The following WDTC1 variants were observed in gnomAD, a reference collection of about 807,000 sequenced individuals.
WDTC1 encodes the protein WD and tetratricopeptide repeats protein 1.
WDTC1 carries 12 observed loss-of-function variants against 76.0 expected under a neutral mutation model. That is an observed-to-expected ratio of 0.16 (90% CI 0.10 to 0.26). The LOEUF (loss-of-function observed/expected upper bound fraction) is 0.26. Among genes scored for constraint, WDTC1 ranks in the 10% least tolerant of loss-of-function variants. The pLI is 1.00. For missense variants in WDTC1, 511 were observed against 908.8 expected (o/e 0.56, Z 5.63); for synonymous variants, 326 against 350.8 (o/e 0.93, Z 0.79).
chr1:27,234,894 G>C lies in WDTC1; in HGVS notation c.-157G>C. On this transcript the variant is annotated 5_prime_UTR_variant, in exon 1 of 16. Coordinates refer to ENST00000319394, the MANE Select transcript of WDTC1 (RefSeq NM_001276252.2). The stretch of plus-strand genomic sequence containing the variant: ...TCCCGGGAGAGGGGCCGCCCCCCCC[G>C]GACGGACATGGGCTCCTGAAGTTGC... 3 of 394,562 alleles carry C rather than the reference G, an allele frequency of 7.6e-6. No homozygotes were observed. The East Asian group carries it at 1.1e-4, about 14-fold the overall frequency. 24.4% of individuals were successfully genotyped at this position (394,562 alleles called of 1,614,324 possible).
chr1:27,240,739 G>T (rs2011606023), intron 1 of WDTC1, among the ~76,000 whole-genome samples: 2 of 152,288 alleles, frequency 1.3e-5, no homozygotes, highest in East Asian at 3.9e-4. Context: ...AACTTTGGGA[G>T]GCTGAGGTGG....
intron 1 of WDTC1, among the ~76,000 whole-genome samples, chr1:27,247,213 C>T (rs1207504723): frequency 2.0e-5 from 3 of 151,736 alleles, no homozygotes; most frequent in East Asian, 1.9e-4. Context: ...CCTGCCACCA[C>T]GCCTGGCTAA....
Position 27,287,732 on chromosome 1 carries a change from A to G in WDTC1, c.350A>G (p.His117Arg). The change falls in exon 6 of 16, where the codon CAT becomes CGT. Residue 117 changes from histidine to arginine, a missense_variant. By Grantham distance (29) the His-to-Arg change is conservative (BLOSUM62 0). Transcript: ENST00000319394. Reference sequence around the variant, plus strand: ...ACGGGGGCAGCCGACTCTAAGGTGCATGTGCACGACCTGACAGTAAAGGAG... The same window carrying G: ...ACGGGGGCAGCCGACTCTAAGGTGCGTGTGCACGACCTGACAGTAAAGGAG... ...LITGAADSKV[H>R]VHDLTVKETI... 2 of 1,614,102 alleles carry G rather than the reference A, an allele frequency of 1.2e-6. No homozygotes were observed. The highest frequency in any genetic ancestry group is 1.7e-6 in the Non-Finnish European group (2 of 1,180,000).
rs572004121 is a variant in WDTC1, at chr1:27,304,988, GC to G, written c.1644-6del. The G allele has an allele frequency of 5.6e-6, 9 of 1,606,206 alleles. No individual in the cohort carries two copies. Among genetic ancestry groups the G allele is most frequent in the Admixed American group, 1.7e-5 (1 of 59,660 alleles). On this transcript the variant is annotated splice_polypyrimidine_tract_variant and intron_variant, in intron 14 of 15. Coordinates refer to ENST00000319394, the MANE Select transcript of WDTC1 (RefSeq NM_001276252.2). Reference sequence around the variant, plus strand: ...ACCCCACCTGACCTCCCTGCCCTTTGCCCCCCCGCCAGCAACGCTCAGTATA... The same window carrying G: ...ACCCCACCTGACCTCCCTGCCCTTTGCCCCCCGCCAGCAACGCTCAGTATA...
rs1366983994 is a variant in WDTC1, at chr1:27,263,148, C to T, written c.49-4C>T. On this transcript the variant is annotated splice_polypyrimidine_tract_variant and splice_region_variant and intron_variant, in intron 2 of 15. Transcript: ENST00000319394. ...GAAATCACGAATTTGTTTCTGTCCC[C>T]TAGGAGCGGGGTGCCCTGAGCTTTG... The T allele has an allele frequency of 2.5e-6, 4 of 1,613,024 alleles. No homozygotes were observed. Among genetic ancestry groups the T allele is most frequent in the Non-Finnish European group, 3.4e-6 (4 of 1,179,614 alleles).
Position 27,306,039 on chromosome 1 carries a change from C to T in WDTC1, c.1837-147C>T. ...TATGTAGCCAAGGTTGTGTGTTCCC[C>T]TCCACCATATACACCTCCTGGCATG... On this transcript the variant is annotated intron_variant, in intron 15 of 15. Coordinates refer to ENST00000319394, the MANE Select transcript of WDTC1 (RefSeq NM_001276252.2). This position sits in a 1 kb window ranked among gnomAD's most constrained non-coding sequence, Gnocchi z 5.0. 3.3e-6 allele frequency: 3 copies of T among 901,552 alleles called. No individual in the cohort carries two copies. The highest frequency in any genetic ancestry group is 2.6e-5 in the East Asian group (1 of 37,778). The allele number at this position is 901,552 out of a possible 1,614,324, so 55.8% of individuals were successfully genotyped here.
chr1:27,258,173 AGT>A (rs2012346377), intron 1 of WDTC1, among the ~76,000 whole-genome samples: 2 of 150,860 alleles, frequency 1.3e-5, no homozygotes, highest in Admixed American at 6.6e-5. Context: ...CCAAGGTGAG[AGT>A]GTTGCTTGAG....
chr1:27,239,052 G>A (rs2011557760), intron 1 of WDTC1, among the ~76,000 whole-genome samples: 1 of 143,170 alleles, frequency 7.0e-6, no homozygotes, highest in African/African-American at 2.6e-5. Flanking sequence ...ACAGGTGTGT[G>A]CCATCACGCC....
At chr1:27,275,124 A>G (rs188949070) in intron 3 of WDTC1, among the ~76,000 whole-genome samples, 1 of 152,282 alleles carries the variant, frequency 6.6e-6, no homozygotes, top group East Asian at 1.9e-4. Context: ...TATTATCCTT[A>G]AACAATTGCA....
chr1:27,234,756 C>T lies in WDTC1; in HGVS notation c.-295C>T. The stretch of plus-strand genomic sequence containing the variant: ...GTGAGCGCGGGTGTGAGGCGGTGCG[C>T]AGGGGCGGGCGGAGGCGCTGTCCGG... On this transcript the variant is annotated 5_prime_UTR_variant, in exon 1 of 16. Transcript: ENST00000319394. 2.5e-6 allele frequency: 1 copy of T among 398,654 alleles called. No homozygotes were observed. The highest frequency in any genetic ancestry group is 1.3e-4 in the South Asian group (1 of 7,864). The allele number at this position is 398,654 out of a possible 1,614,324, so 24.7% of individuals were successfully genotyped here.
intron 1 of WDTC1, among the ~76,000 whole-genome samples, chr1:27,259,133 G>T (rs1570949423): frequency 6.6e-6 from 1 of 152,036 alleles, no homozygotes. Flanking sequence ...ACCAAAGAGA[G>T]CTATTGTTTT....
At chr1:27,280,336 T>G (rs951299356) in intron 3 of WDTC1, among the ~76,000 whole-genome samples, 5 of 152,244 alleles carry the variant, frequency 3.3e-5, no homozygotes, top group Non-Finnish European at 5.9e-5. Flanking sequence ...TCATTCTGAC[T>G]TTAAGACAAC....
chr1:27,296,972 A>T, intron 10 of WDTC1, 76 bp from the exon 11 acceptor site: 1 of 1,305,580 alleles, frequency 7.7e-7, no homozygotes, highest in South Asian at 1.2e-5. Context: ...CCCGTGATGG[A>T]AGCTAGAGGG....
At chr1:27,263,670 G>A (rs1173866347) in intron 3 of WDTC1, among the ~76,000 whole-genome samples, 1 of 152,056 alleles carries the variant, frequency 6.6e-6, no homozygotes, top group Non-Finnish European at 1.5e-5. Flanking sequence ...TCCTGACCTC[G>A]TGATCCGCCC....
chr1:27,290,875 T>A (rs1413040214), intron 6 of WDTC1, among the ~76,000 whole-genome samples: 1 of 151,826 alleles, frequency 6.6e-6, no homozygotes, highest in African/African-American at 2.4e-5. Context: ...AGACCTGGGG[T>A]CAAATCCTAG....
intron 9 of WDTC1, among the ~76,000 whole-genome samples, chr1:27,295,686 C>T (rs554345566): frequency 6.6e-6 from 1 of 152,068 alleles, no homozygotes; most frequent in East Asian, 1.9e-4. Flanking sequence ...AACTCCTGAC[C>T]TCAGGTGATC....
intron 9 of WDTC1, 41 bp from the exon 10 acceptor site, chr1:27,296,285 C>T: frequency 1.2e-6 from 2 of 1,612,770 alleles, no homozygotes; most frequent in Non-Finnish European, 1.7e-6. Flanking sequence ...ACATCCTTAC[C>T]TCACAGCTTC....
rs182892247 is a variant in WDTC1, at chr1:27,250,477, T to A, written c.-99-10479T>A. On this transcript the variant is annotated intron_variant, in intron 1 of 15. Transcript: ENST00000319394. Reference sequence around the variant, plus strand: ...GTTATGTATTTTCATATATATTTTATCATGTATTCACAACAACCCATTAAA... The same window carrying A: ...GTTATGTATTTTCATATATATTTTAACATGTATTCACAACAACCCATTAAA... Among the ~76,000 whole-genome samples the A allele has an allele frequency of 1.1e-4, 16 of 152,226 alleles. No individual in the cohort carries two copies. The East Asian group carries it at 3.1e-3, about 29-fold the overall frequency.
intron 3 of WDTC1, among the ~76,000 whole-genome samples, chr1:27,277,323 G>A (rs915449669): frequency 6.6e-6 from 1 of 152,164 alleles, no homozygotes; most frequent in Admixed American, 6.5e-5. Context: ...GATTTTATAT[G>A]TAGGTCTTTG....
Sources: allele counts gnomAD v4.1 joint callset (sites outside exome capture counted in the v4.1 genomes callset), GRCh38; gene constraint gnomAD v4.1.1; non-coding constraint Gnocchi (gnomAD v3.1); transcripts MANE v1.5; gene names NCBI Gene and HGNC (gene_info 2026-07-23, HGNC 2026-07-21).